Variants in CDH4 observed in about 807,000 individuals in gnomAD.
The protein encoded by CDH4 is cadherin 4.
A neutral mutation model predicts 86.0 loss-of-function variants in CDH4; 33 were observed. The observed-to-expected ratio is 0.38, with a 90% CI of 0.29 to 0.51. CDH4 has a LOEUF of 0.51. Among genes scored for constraint, CDH4 ranks in the 20% least tolerant of loss-of-function variants. CDH4 has a pLI of 0.86. For missense variants in CDH4, 1,114 were observed against 1,307.4 expected (o/e 0.85, Z 2.28); for synonymous variants, 555 against 549.4 (o/e 1.01, Z -0.14).
At position 61,342,376 on chromosome 20, in the gene CDH4, A is replaced by C. The variant is rs537831553; in HGVS notation, c.169+87439A>C. On this transcript the variant is annotated intron_variant, in intron 2 of 15. Coordinates refer to ENST00000614565, the MANE Select transcript of CDH4 (RefSeq NM_001794.5). ...CCTGAGCTTGTTTTCCTGCAACCAA[A>C]CAGTCCCATCTGGAGGTGATGGGAG... Among the ~76,000 whole-genome samples the C allele has an allele frequency of 2.6e-5, 4 of 152,324 alleles. No individual in the cohort carries two copies. The East Asian group carries it at 7.7e-4, about 29-fold the overall frequency.
intron 15 of CDH4, among the ~76,000 whole-genome samples, chr20:61,936,254 CCCA>C (rs2055181627): frequency 6.8e-6 from 1 of 147,988 alleles, no homozygotes; most frequent in Non-Finnish European, 1.5e-5. Flanking sequence ...CCTCACCTCC[CCCA>C]CACCACCCCT....
intron 2 of CDH4, among the ~76,000 whole-genome samples, chr20:61,502,884 G>A (rs2085714599): frequency 1.3e-5 from 2 of 152,230 alleles, no homozygotes; most frequent in South Asian, 4.1e-4. Context: ...AGACACAGTG[G>A]AGGGTTCCTT....
intron 2 of CDH4, among the ~76,000 whole-genome samples, chr20:61,728,155 C>T (rs1005369234): frequency 7.6e-6 from 1 of 131,374 alleles, no homozygotes; most frequent in African/African-American, 2.5e-5. Flanking sequence ...CCCCATCAGC[C>T]ATAGAACCTG....
At chr20:61,906,709 C>G (rs1468726259) in intron 8 of CDH4, among the ~76,000 whole-genome samples, 1 of 152,100 alleles carries the variant, frequency 6.6e-6, no homozygotes, top group Non-Finnish European at 1.5e-5. Flanking sequence ...AGGGAATGGC[C>G]CGGGGCCAGG....
chr20:61,450,123 C>G lies in CDH4; in HGVS notation c.169+195186C>G, dbSNP rs149894917. ...ATGATGTCATTACAATCAAAACTAT[C>G]TTAGTGGATTCTTTTAAGTCTTCTT... On this transcript the variant is annotated intron_variant, in intron 2 of 15. Transcript: ENST00000614565. 1.8e-4 allele frequency among the ~76,000 whole-genome samples: 28 copies of G among 152,316 alleles called. No homozygotes were observed. The East Asian group carries it at 2.9e-3, about 16-fold the overall frequency.
intron 2 of CDH4, among the ~76,000 whole-genome samples, chr20:61,646,601 G>A (rs145108909): frequency 6.6e-6 from 1 of 152,360 alleles, no homozygotes; most frequent in African/African-American, 2.4e-5. Flanking sequence ...CGAAGGTAAA[G>A]AGGGGCCGTG....
At chr20:61,349,187 G>A (rs552387157) in intron 2 of CDH4, among the ~76,000 whole-genome samples, 2 of 152,328 alleles carry the variant, frequency 1.3e-5, no homozygotes, top group South Asian at 4.1e-4. Flanking sequence ...CCGATGGACA[G>A]GCTGGGTCAT....
intron 2 of CDH4, among the ~76,000 whole-genome samples, chr20:61,503,164 G>A (rs1210498582): frequency 2.6e-5 from 4 of 152,176 alleles, no homozygotes; most frequent in Non-Finnish European, 2.9e-5. Flanking sequence ...GGGTGTTTGT[G>A]GATGGAACAA....
At chr20:61,844,929 A>T in intron 5 of CDH4, 106 bp downstream of exon 5, 1 of 1,166,888 alleles carries the variant, frequency 8.6e-7, no homozygotes, top group Non-Finnish European at 1.2e-6. Context: ...CTAACTCTAC[A>T]GGCAGCACTC....
At chr20:61,922,155 C>T (rs2054989798) in intron 9 of CDH4, among the ~76,000 whole-genome samples, 2 of 152,192 alleles carry the variant, frequency 1.3e-5, no homozygotes, top group Admixed American at 1.3e-4. Flanking sequence ...TCGACAGATA[C>T]TACGCAATGA....
At chr20:61,474,040 A>C (rs555479448) in intron 2 of CDH4, among the ~76,000 whole-genome samples, 1 of 152,228 alleles carries the variant, frequency 6.6e-6, no homozygotes, top group South Asian at 2.1e-4. Flanking sequence ...GCTTACTGTA[A>C]AGATCCAGGC....
chr20:61,747,445 C>CA (rs11302958), intron 3 of CDH4, among the ~76,000 whole-genome samples: 14,654 of 74,936 alleles, frequency 0.2, 1,139 homozygotes, highest in Non-Finnish European at 0.21. Flanking sequence ...GACTCTGTCT[C>CA]AAAAAAAAAA....
chr20:61,761,898 A>G (rs1424287817), intron 3 of CDH4, among the ~76,000 whole-genome samples: 3 of 152,152 alleles, frequency 2.0e-5, no homozygotes, highest in Non-Finnish European at 4.4e-5. Context: ...AGCCATGCCG[A>G]CAGCTCCGCA....
intron 4 of CDH4, among the ~76,000 whole-genome samples, chr20:61,794,998 C>A (rs1484002043): frequency 6.7e-6 from 1 of 150,014 alleles, no homozygotes; most frequent in African/African-American, 2.5e-5. Context: ...GAGTGTTCCT[C>A]CACTGGGATG....
At chr20:61,611,816 A>G (rs1326666502) in intron 2 of CDH4, among the ~76,000 whole-genome samples, 3 of 151,986 alleles carry the variant, frequency 2.0e-5, no homozygotes, top group Admixed American at 6.6e-5. Context: ...TGAGCTCTCA[A>G]AAATGACTCT....
At chr20:61,294,258 C>T (rs562071754) in intron 2 of CDH4, among the ~76,000 whole-genome samples, 2 of 152,202 alleles carry the variant, frequency 1.3e-5, no homozygotes, top group African/African-American at 2.4e-5. Flanking sequence ...GGGGTCTGCA[C>T]CGGGGCCAGG....
chr20:61,808,250 T>C (rs1980243847), intron 4 of CDH4, among the ~76,000 whole-genome samples: 1 of 151,970 alleles, frequency 6.6e-6, no homozygotes, highest in African/African-American at 2.4e-5. Flanking sequence ...CACTGAGGAA[T>C]CCTCACTTCC....
intron 2 of CDH4, among the ~76,000 whole-genome samples, chr20:61,381,258 T>C (rs1324305629): frequency 6.6e-6 from 1 of 152,084 alleles, no homozygotes; most frequent in Non-Finnish European, 1.5e-5. Context: ...TTGATAGGAG[T>C]TGCTGCTTAT....
In CDH4 at chr20:61,811,634, G is replaced by C. The variant is rs1568828944; in HGVS notation, c.577-33034G>C. ...AAATGAGCCCAGCCACTGCCACCCGGGGTCACGCCCCTGCCACCCGGGGTC... is the reference window on the plus strand; with the variant it reads ...AAATGAGCCCAGCCACTGCCACCCGCGGTCACGCCCCTGCCACCCGGGGTC... On this transcript the variant is annotated intron_variant, in intron 4 of 15. Transcript: ENST00000614565. This position sits in a 1 kb window ranked among gnomAD's most constrained non-coding sequence, Gnocchi z 4.4. 6.6e-6 allele frequency among the ~76,000 whole-genome samples: 1 copy of C among 151,542 alleles called. No homozygotes were observed.
Sources: allele counts gnomAD v4.1 joint callset (sites outside exome capture counted in the v4.1 genomes callset), GRCh38; gene constraint gnomAD v4.1.1; non-coding constraint Gnocchi (gnomAD v3.1); transcripts MANE v1.5; gene names NCBI Gene and HGNC (gene_info 2026-07-23, HGNC 2026-07-21).